The following NCAM2 variants were observed in gnomAD, a reference collection of about 807,000 sequenced individuals.
NCAM2 encodes the protein neural cell adhesion molecule 2.
Under a neutral mutation model 98.1 loss-of-function variants are expected in NCAM2, and 30 were observed. That is an observed-to-expected ratio of 0.31 (90% CI 0.23 to 0.41). The LOEUF (loss-of-function observed/expected upper bound fraction) is 0.41, where lower values mean the gene tolerates loss of function less well. Among genes scored for constraint, NCAM2 ranks in the 10% least tolerant of loss-of-function variants. The pLI, the probability that NCAM2 is intolerant of heterozygous loss-of-function variation, is 1.00. For missense variants in NCAM2, 867 were observed against 1,005.8 expected (o/e 0.86, Z 1.87); for synonymous variants, 368 against 342.4 (o/e 1.07, Z -0.83).
At chr21:21,126,402 A>G (rs370622172) in intron 1 of NCAM2, among the ~76,000 whole-genome samples, 4 of 151,924 alleles carry the variant, frequency 2.6e-5, no homozygotes, top group African/African-American at 9.7e-5. Context: ...ACATCCATAC[A>G]TATGCACAGG....
chr21:21,111,667 G>C (rs1278452152), intron 1 of NCAM2, among the ~76,000 whole-genome samples: 1 of 152,156 alleles, frequency 6.6e-6, no homozygotes, highest in East Asian at 1.9e-4. Context: ...AAGATGCTTG[G>C]TAGATTTGGT....
At chr21:21,169,538 AC>A (rs1278334802) in intron 1 of NCAM2, among the ~76,000 whole-genome samples, 2 of 152,232 alleles carry the variant, frequency 1.3e-5, no homozygotes, top group Non-Finnish European at 2.9e-5. Context: ...TGCACAAGAT[AC>A]ATCTGATAAA....
rs1174683710 is a variant in NCAM2, at chr21:21,505,239, G to T, written c.2078-3612G>T. 4.6e-5 allele frequency among the ~76,000 whole-genome samples: 7 copies of T among 152,006 alleles called. No individual in the cohort carries two copies. The East Asian group carries it at 1.4e-3, about 29-fold the overall frequency. On this transcript the variant is annotated intron_variant, in intron 15 of 17. Transcript: ENST00000400546. Reference sequence around the variant, plus strand: ...CTCCTATATGGTTAAAAAAGAGTAGGATCTTAATCTGATGGGATCAATGGC... The same window carrying T: ...CTCCTATATGGTTAAAAAAGAGTAGTATCTTAATCTGATGGGATCAATGGC...
chr21:21,247,433 A>T (rs2147268792), intron 1 of NCAM2, among the ~76,000 whole-genome samples: 1 of 152,366 alleles, frequency 6.6e-6, no homozygotes, highest in Admixed American at 6.5e-5. Context: ...CTGAAATTAA[A>T]AGTTTAAGAT....
At chr21:21,169,203 A>G (rs2146832012) in intron 1 of NCAM2, among the ~76,000 whole-genome samples, 1 of 152,328 alleles carries the variant, frequency 6.6e-6, no homozygotes, top group South Asian at 2.1e-4. Context: ...CAGTTTTTAC[A>G]ACAAATGATA....
intron 5 of NCAM2, among the ~76,000 whole-genome samples, chr21:21,301,206 G>A (rs923708607): frequency 1.3e-5 from 2 of 151,878 alleles, no homozygotes; most frequent in Non-Finnish European, 1.5e-5. Flanking sequence ...TCTATTGATT[G>A]CTTCTTTTGC....
intron 1 of NCAM2, among the ~76,000 whole-genome samples, chr21:21,056,536 GGGAGAGAGA>G (rs1457552927): frequency 1.4e-5 from 2 of 147,632 alleles, no homozygotes; most frequent in Non-Finnish European, 3.0e-5. Flanking sequence ...ATGAGAGAGG[GGGAGAGAGA>G]GGAGAGAGAG....
rs8134612 is a variant in NCAM2, at chr21:21,161,855, A to G, written c.56-118723A>G. Among the ~76,000 whole-genome samples, 5 of 151,812 alleles carry G rather than the reference A, an allele frequency of 3.3e-5. No individual in the cohort carries two copies. In the South Asian group the frequency reaches 1.0e-3, roughly 32 times the overall value. The stretch of plus-strand genomic sequence containing the variant: ...CCAGGGGAAGGCTAAATGAGCAGAG[A>G]TGTTGCAGTAGTCATGTCTATGAGG... On this transcript the variant is annotated intron_variant, in intron 1 of 17. Transcript: ENST00000400546.
At position 21,338,505 on chromosome 21, in the gene NCAM2, G is replaced by A. The variant is rs1365191084; in HGVS notation, c.1015G>A (p.Asp339Asn). 6.2e-7 allele frequency: 1 copy of A among 1,612,118 alleles called. No individual in the cohort carries two copies. Among genetic ancestry groups the A allele is most frequent in the Non-Finnish European group, 8.5e-7 (1 of 1,179,160 alleles). Reference sequence around the variant, plus strand: ...AGAAATCACTTGGAAAAGAGCTGTGGATGGCTTCACGTTCACTGAAGGCGA... The same window carrying A: ...AGAAATCACTTGGAAAAGAGCTGTGAATGGCTTCACGTTCACTGAAGGCGA... ...IPEITWKRAV[D>N]GFTFTEGDKS... Residue 339 changes from aspartate to asparagine, a missense_variant, in exon 8 of 18, where the codon GAT (aspartate) becomes AAT (asparagine). Around this residue, in one of 5 missense-constraint regions of NCAM2, gnomAD observed 447 missense variants for 495.7 expected, o/e 0.90. Transcript: ENST00000400546.
At position 21,094,571 on chromosome 21, in the gene NCAM2, C is replaced by A. The variant is rs551095124; in HGVS notation, c.55+95953C>A. Among the ~76,000 whole-genome samples the A allele has an allele frequency of 2.0e-5, 3 of 151,538 alleles. No homozygotes were observed. The South Asian group carries it at 6.3e-4, about 32-fold the overall frequency. On this transcript the variant is annotated intron_variant, in intron 1 of 17. Transcript: ENST00000400546. ...GTTATTTAGAATTGCATGTGTAATT[C>A]AATAAATTGAAATTTTACTGGAGTA...
intron 15 of NCAM2, among the ~76,000 whole-genome samples, chr21:21,477,730 A>C (rs1055275204): frequency 1.3e-5 from 2 of 152,168 alleles, no homozygotes; most frequent in Admixed American, 6.5e-5. Context: ...AGAGAGTAAG[A>C]GTGACTGATG....
At chr21:21,223,846 A>G (rs757600889) in intron 1 of NCAM2, 2 of 152,220 alleles carry the variant, frequency 1.3e-5, no homozygotes, top group African/African-American at 2.4e-5. Context: ...ATAAAATGAC[A>G]TGCCTAAGAC....
chr21:21,261,389 C>T (rs963707245), intron 1 of NCAM2, among the ~76,000 whole-genome samples: 1 of 151,968 alleles, frequency 6.6e-6, no homozygotes, highest in African/African-American at 2.4e-5. Flanking sequence ...CTGGAAAATG[C>T]TTTTTTTTCC....
intron 1 of NCAM2, among the ~76,000 whole-genome samples, chr21:21,263,948 A>G (rs1473880700): frequency 6.6e-6 from 1 of 152,094 alleles, no homozygotes; most frequent in Non-Finnish European, 1.5e-5. Context: ...CAAAGAATTT[A>G]TGATGAAGAT....
intron 14 of NCAM2, among the ~76,000 whole-genome samples, chr21:21,469,512 A>T (rs1197028238): frequency 6.6e-6 from 1 of 152,012 alleles, no homozygotes; most frequent in East Asian, 1.9e-4. Flanking sequence ...CACAATTTTA[A>T]GTTAAATTTT....
chr21:21,168,718 T>C (rs545242778), intron 1 of NCAM2, among the ~76,000 whole-genome samples: 1 of 152,254 alleles, frequency 6.6e-6, no homozygotes, highest in South Asian at 2.1e-4. Flanking sequence ...AAATGAAATA[T>C]TAGAGTATAA....
At chr21:21,497,974 G>A (rs1470023503) in intron 15 of NCAM2, among the ~76,000 whole-genome samples, 1 of 152,014 alleles carries the variant, frequency 6.6e-6, no homozygotes, top group Non-Finnish European at 1.5e-5. Flanking sequence ...CAAATAATAT[G>A]TGGATGCTGT....
At chr21:21,521,225 C>T (rs1418387488) in intron 16 of NCAM2, among the ~76,000 whole-genome samples, 2 of 152,102 alleles carry the variant, frequency 1.3e-5, no homozygotes, top group African/African-American at 2.4e-5. Context: ...CTGAGAAATG[C>T]TTGTGAAGTT....
intron 16 of NCAM2, among the ~76,000 whole-genome samples, chr21:21,513,178 G>A (rs555182823): frequency 5.9e-4 from 90 of 152,134 alleles, no homozygotes; most frequent in Middle Eastern, 3.4e-3. Context: ...AGGAAAGGCT[G>A]TCCATTTTTC....
Sources: allele counts gnomAD v4.1 joint callset (sites outside exome capture counted in the v4.1 genomes callset), GRCh38; gene constraint gnomAD v4.1.1; regional missense constraint gnomAD v4.1.1; transcripts MANE v1.5; gene names NCBI Gene and HGNC (gene_info 2026-07-23, HGNC 2026-07-21).